Variants in ANK3 observed in about 807,000 individuals in gnomAD.
The protein encoded by ANK3 is ankyrin-3.
In ANK3, 57 loss-of-function variants were observed where a neutral mutation model predicts 370.9. The observed-to-expected ratio is 0.15, with a 90% CI of 0.12 to 0.19. ANK3 has a LOEUF of 0.19. Ranked by LOEUF, ANK3 falls within the 10% of genes least tolerant of loss-of-function variation. The probability of loss-of-function intolerance (pLI) is 1.00; values close to 1 mark genes in which losing one functional copy is unlikely to be tolerated. For synonymous variants in ANK3, 1,929 were observed against 1,946.3 expected, an observed-to-expected ratio of 0.99 and a Z score of 0.23; for missense variants, 4,439 against 5,302.1, an observed-to-expected ratio of 0.84 and a Z score of 5.06.
At chr10:60,422,161 A>G (rs1317118942) in intron 2 of ANK3, among the ~76,000 whole-genome samples, 1 of 152,010 alleles carries the variant, frequency 6.6e-6, no homozygotes, top group East Asian at 1.9e-4. Context: ...ATTTTGAACA[A>G]CTTCCACCAA....
intron 26 of ANK3, among the ~76,000 whole-genome samples, chr10:60,112,409 T>C (rs2092780307): frequency 6.6e-6 from 1 of 151,880 alleles, no homozygotes; most frequent in African/African-American, 2.4e-5. Context: ...ATATAAATTA[T>C]ATAAATATTT....
intron 1 of ANK3, chr10:60,685,191 G>A: frequency 2.3e-6 from 1 of 428,634 alleles, no homozygotes; most frequent in South Asian, 2.3e-5. Context: ...TGCTATTAAA[G>A]CTTTGTATTG....
intron 1 of ANK3, among the ~76,000 whole-genome samples, chr10:60,302,783 T>C (rs1385262482): frequency 6.6e-6 from 1 of 151,908 alleles, no homozygotes; most frequent in Non-Finnish European, 1.5e-5. Flanking sequence ...CTTAAAAATA[T>C]ATTACAAAGC....
intron 2 of ANK3, among the ~76,000 whole-genome samples, chr10:60,502,524 G>A (rs1233217043): frequency 6.6e-6 from 1 of 152,144 alleles, no homozygotes; most frequent in Non-Finnish European, 1.5e-5. Flanking sequence ...TGGCATTAAA[G>A]AAAGCTCTTG....
intron 8 of ANK3, among the ~76,000 whole-genome samples, chr10:60,215,459 C>T (rs1487022034): frequency 1.3e-5 from 2 of 152,100 alleles, no homozygotes; most frequent in African/African-American, 4.8e-5. Flanking sequence ...ATGCTATTGC[C>T]TAGGTTTTCT....
At chr10:60,479,144 G>A (rs10740029) in intron 2 of ANK3, among the ~76,000 whole-genome samples, 114,209 of 152,004 alleles carry the variant, frequency 0.75, 42,933 homozygotes, top group South Asian at 0.88. Context: ...AGTAATAAAA[G>A]CATCATAGCA....
chr10:60,355,887 C>A (rs1003183197), intron 1 of ANK3, among the ~76,000 whole-genome samples: 2 of 148,710 alleles, frequency 1.3e-5, no homozygotes, highest in African/African-American at 2.4e-5. Flanking sequence ...TTCCTGTCTT[C>A]TCAAGATTCC....
intron 1 of ANK3, among the ~76,000 whole-genome samples, chr10:60,350,490 A>G (rs1452040181): frequency 1.3e-5 from 2 of 152,206 alleles, no homozygotes; most frequent in Non-Finnish European, 2.9e-5. Context: ...AATTTACAGA[A>G]GCTATTCCAA....
At chr10:60,238,472 A>C (rs77641671) in intron 7 of ANK3, among the ~76,000 whole-genome samples, 4,601 of 152,192 alleles carry the variant, frequency 0.03, 206 homozygotes, top group African/African-American at 0.1. Context: ...GGAGAAAGAC[A>C]CAGCCTTGAA....
intron 1 of ANK3, among the ~76,000 whole-genome samples, chr10:60,282,743 C>T (rs1293560597): frequency 1.3e-5 from 2 of 152,140 alleles, no homozygotes; most frequent in African/African-American, 2.4e-5. Flanking sequence ...CACGCAGAAA[C>T]AGAAATTAAT....
intron 9 of ANK3, among the ~76,000 whole-genome samples, chr10:60,213,129 A>G (rs2096882624): frequency 6.6e-6 from 1 of 152,144 alleles, no homozygotes; most frequent in Admixed American, 6.6e-5. Context: ...CCTGACAAGC[A>G]ATTATTTCTG....
chr10:60,441,532 G>A (rs996465989), intron 2 of ANK3, among the ~76,000 whole-genome samples: 2 of 151,996 alleles, frequency 1.3e-5, no homozygotes, highest in Admixed American at 6.6e-5. Context: ...GCTGTGTGTA[G>A]GTCCTATACA....
chr10:60,043,734 T>G, intron 42 of ANK3: 3 of 985,462 alleles, frequency 3.0e-6, no homozygotes, highest in Non-Finnish European at 3.6e-6. Context: ...GACACTCTGC[T>G]GAAGGCCAAG....
At position 60,027,403 on chromosome 10, in the gene ANK3, G is replaced by A. The variant is rs10994149; in HGVS notation, c.*2443C>T. 8.6e-5 allele frequency: 13 copies of A among 150,390 alleles called. No individual in the cohort carries two copies. The highest frequency in any genetic ancestry group is 2.9e-4 in the African/African-American group (12 of 40,734). 9.3% of individuals were successfully genotyped at this position (150,390 alleles called of 1,614,324 possible). ...TTTTATTTATTTGGGATACCATGCA[G>A]ATGCAACCTAGCCCCATTCTTTATG... On this transcript the variant is annotated 3_prime_UTR_variant, in exon 44 of 44. Coordinates refer to ENST00000280772, the MANE Select transcript of ANK3 (RefSeq NM_020987.5).
At chr10:60,239,100 A>C (rs988808528) in intron 7 of ANK3, among the ~76,000 whole-genome samples, 1 of 152,200 alleles carries the variant, frequency 6.6e-6, no homozygotes, top group South Asian at 2.1e-4. Context: ...AAATAAAAAC[A>C]TTAAGGAGAA....
chr10:60,649,972 G>A (rs972664327), intron 1 of ANK3, among the ~76,000 whole-genome samples: 1 of 152,144 alleles, frequency 6.6e-6, no homozygotes, highest in Admixed American at 6.5e-5. Flanking sequence ...CTGCATGAGA[G>A]CACATGTCTA....
intron 1 of ANK3, among the ~76,000 whole-genome samples, chr10:60,701,281 G>A (rs1451560467): frequency 6.6e-6 from 1 of 152,102 alleles, no homozygotes; most frequent in Non-Finnish European, 1.5e-5. Context: ...ATTTTCATAT[G>A]TGGTCGAGAA....
At chr10:60,051,558 A>C in intron 42 of ANK3, 1 of 985,458 alleles carries the variant, frequency 1.0e-6, no homozygotes, top group Non-Finnish European at 1.2e-6. Context: ...CTGTCTTTCA[A>C]GTCCTGACAA....
chr10:60,198,306 G>A (rs923004322), intron 14 of ANK3, 34 bp downstream of exon 14: 3 of 1,605,330 alleles, frequency 1.9e-6, no homozygotes, highest in Non-Finnish European at 2.6e-6. Flanking sequence ...GTATTTGGGG[G>A]GACAGAGCAG....
Sources: allele counts gnomAD v4.1 joint callset (sites outside exome capture counted in the v4.1 genomes callset), GRCh38; gene constraint gnomAD v4.1.1; transcripts MANE v1.5; gene names NCBI Gene and HGNC (gene_info 2026-07-23, HGNC 2026-07-21).